Variants in TENM1 observed in about 807,000 individuals in gnomAD.
TENM1 encodes the protein teneurin-1.
A neutral mutation model predicts 174.8 loss-of-function variants in TENM1; 35 were observed. The ratio of observed to expected loss-of-function variants is 0.20; its 90% confidence interval spans 0.15 to 0.27. The LOEUF is 0.27. TENM1 is among the 10% of genes least tolerant of loss of function. TENM1 has a pLI of 1.00. For synonymous variants in TENM1, 781 were observed against 798.7 expected, an observed-to-expected ratio of 0.98 and a Z score of 0.37; for missense variants, 1,633 against 2,130.1, an observed-to-expected ratio of 0.77 and a Z score of 4.59.
chrX:124,595,927 A>T (rs1360121270), intron 11 of TENM1, among the ~76,000 whole-genome samples: 1 of 112,129 alleles, frequency 8.9e-6, no homozygotes, highest in African/African-American at 3.2e-5. Context: ...GAAAACTAAT[A>T]TAGTTTAGCA....
At chrX:124,562,462 C>T (rs2048838996) in intron 13 of TENM1, among the ~76,000 whole-genome samples, 1 of 112,574 alleles carries the variant, frequency 8.9e-6, no homozygotes, top group Non-Finnish European at 1.9e-5. Context: ...TGATATTATG[C>T]TTATAACAAT....
intron 27 of TENM1, among the ~76,000 whole-genome samples, chrX:124,404,156 T>C (rs1240754925): frequency 8.9e-6 from 1 of 111,954 alleles, no homozygotes; most frequent in Non-Finnish European, 1.9e-5. Context: ...CGAAACTTTA[T>C]ATATAACAGA....
the TENM1 span, among the ~76,000 whole-genome samples, chrX:125,062,883 G>A: frequency 8.9e-6 from 1 of 112,213 alleles, no homozygotes; most frequent in South Asian, 3.7e-4. Flanking sequence ...AGGGAAATGG[G>A]TAGATGTGCT....
chrX:124,635,665 A>G (rs1332991731), intron 11 of TENM1, among the ~76,000 whole-genome samples: 2 of 112,500 alleles, frequency 1.8e-5, no homozygotes, highest in Non-Finnish European at 3.8e-5. Context: ...AGAGTAGTAC[A>G]AAGTTCTAAA....
intron 15 of TENM1, among the ~76,000 whole-genome samples, chrX:124,533,663 T>C (rs948148923): frequency 1.8e-5 from 2 of 112,039 alleles, no homozygotes; most frequent in African/African-American, 3.2e-5. Flanking sequence ...TGTCTTTTTC[T>C]GAAACATTTT....
chrX:125,064,019 A>G, the TENM1 span, among the ~76,000 whole-genome samples: 33 of 111,122 alleles, frequency 3.0e-4, no homozygotes, highest in African/African-American at 1.0e-3. Flanking sequence ...AGGGGCATGG[A>G]TGAAGCTGGA....
chrX:124,841,328 T>C (rs961786253), intron 3 of TENM1, among the ~76,000 whole-genome samples: 12 of 111,807 alleles, frequency 1.1e-4, no homozygotes, highest in Non-Finnish European at 1.9e-4. Flanking sequence ...GGATCAGCAA[T>C]AGAATTTAAA....
intron 3 of TENM1, among the ~76,000 whole-genome samples, chrX:124,826,088 A>G (rs977279461): frequency 2.7e-5 from 3 of 111,715 alleles, no homozygotes; most frequent in Non-Finnish European, 5.6e-5. Context: ...AATGTAGGCA[A>G]AGATACATGC....
intron 11 of TENM1, among the ~76,000 whole-genome samples, chrX:124,602,014 C>G (rs764284956): frequency 3.8e-4 from 42 of 111,226 alleles, no homozygotes; most frequent in Non-Finnish European, 6.1e-4. Context: ...GGATACTTTT[C>G]AAGCTGAAAA....
At chrX:124,965,038 T>G (rs1317275465), upstream of TENM1, among the ~76,000 whole-genome samples, 1 of 107,616 alleles carries the variant, frequency 9.3e-6, no homozygotes, top group Non-Finnish European at 1.9e-5. Context: ...CTTTTCAAAG[T>G]ATGATGTAGG....
At chrX:124,713,086 C>T (rs1025020561) in intron 4 of TENM1, among the ~76,000 whole-genome samples, 3 of 111,220 alleles carry the variant, frequency 2.7e-5, no homozygotes, top group East Asian at 2.8e-4. Context: ...AAACCTCGGA[C>T]GCCAAGTGTT....
chrX:124,894,513 A>G (rs2057529725), intron 2 of TENM1, among the ~76,000 whole-genome samples, 161 bp from the exon 6 acceptor site: 1 of 111,781 alleles, frequency 8.9e-6, no homozygotes, highest in African/African-American at 3.3e-5. Context: ...CATACAATTC[A>G]GTGGTTTTTA....
intron 15 of TENM1, among the ~76,000 whole-genome samples, chrX:124,545,311 C>T (rs1239183077): frequency 8.9e-6 from 1 of 111,989 alleles, no homozygotes. Flanking sequence ...TCACTCTGAG[C>T]GGCTGGCAAG....
exon 23 of TENM1, chrX:124,453,400 G>A (rs371157889): frequency 6.6e-6 from 8 of 1,208,744 alleles, no homozygotes; most frequent in Middle Eastern, 2.3e-4. Flanking sequence ...CATTTGAGCC[G>A]ATTACAGTTG....
Position 124,946,927 on chromosome X carries a change from GA to G in TENM1, c.217+16609del, listed in dbSNP as rs377225365. On this transcript the variant is annotated intron_variant, in intron 1 of 31. Transcript: ENST00000422452. ...TTAAAAGAAGTGAAGCTGTAAAACT[GA>G]AAAAAAAAAAAAAACTAAAAAGAAG... Among the ~76,000 whole-genome samples, 452 of 78,030 alleles carry G rather than the reference GA, an allele frequency of 5.8e-3. 3 individuals are homozygous for G. The highest frequency in any genetic ancestry group is 0.014 in the African/African-American group (329 of 23,604). The allele number at this position is 78,030 out of a possible 115,157, so 67.8% of individuals were successfully genotyped here.
chrX:125,200,571 T>TAATAAAGCTATTGTACATGTTTTA, the TENM1 span, among the ~76,000 whole-genome samples: 107 of 109,846 alleles, frequency 9.7e-4, no homozygotes, highest in Non-Finnish European at 1.7e-3. Flanking sequence ...TATATAATTT[T>TAATAAAGCTATTGTACATGTTTTA]AATAAAGCTA....
At chrX:125,016,069 T>C in the TENM1 span, among the ~76,000 whole-genome samples, 1 of 111,381 alleles carries the variant, frequency 9.0e-6, no homozygotes, top group South Asian at 3.8e-4. Flanking sequence ...TTTTTTTTTA[T>C]CTACCTTGTG....
At chrX:125,137,954 CAA>C in the TENM1 span, among the ~76,000 whole-genome samples, 1 of 111,878 alleles carries the variant, frequency 8.9e-6, no homozygotes, top group African/African-American at 3.2e-5. Context: ...ATTAATAACT[CAA>C]AGAGATTCCC....
intron 4 of TENM1, among the ~76,000 whole-genome samples, chrX:124,706,780 A>T (rs778833695): frequency 9.0e-6 from 1 of 111,548 alleles, no homozygotes; most frequent in Non-Finnish European, 1.9e-5. Context: ...ACTCATTAGT[A>T]TCTCTTTTGC....
Sources: allele counts gnomAD v4.1 joint callset (sites outside exome capture counted in the v4.1 genomes callset), GRCh38; gene constraint gnomAD v4.1.1; transcripts MANE v1.5; gene names NCBI Gene and HGNC (gene_info 2026-07-23, HGNC 2026-07-21).